The following PRKG2 variants were observed in gnomAD, a reference collection of about 807,000 sequenced individuals.
PRKG2 encodes the protein cGMP-dependent protein kinase 2.
Under a neutral mutation model 97.2 loss-of-function variants are expected in PRKG2, and 33 were observed. That is an observed-to-expected ratio of 0.34 (90% CI 0.26 to 0.45). The LOEUF is 0.45. PRKG2 is among the 20% of genes least tolerant of loss of function. The pLI is 1.00. For synonymous variants in PRKG2, 330 were observed against 321.8 expected, an observed-to-expected ratio of 1.03 and a Z score of -0.27; for missense variants, 638 against 900.0, an observed-to-expected ratio of 0.71 and a Z score of 3.73.
chr4:81,181,089 A>G (rs776163345), intron 2 of PRKG2, among the ~76,000 whole-genome samples: 1 of 150,714 alleles, frequency 6.6e-6, no homozygotes, highest in Non-Finnish European at 1.5e-5. Context: ...GCAGATACAC[A>G]TTCATTTCTA....
Position 81,089,400 on chromosome 4 carries a change from C to A in PRKG2, c.*308G>T, listed in dbSNP as rs1160186916. On this transcript the variant is annotated 3_prime_UTR_variant, in exon 19 of 19. Coordinates refer to ENST00000264399, the MANE Select transcript of PRKG2 (RefSeq NM_006259.3). ...CGAGAAGGATATGATTGGAATGGAA[C>A]AATAGATTGCAGAAAAAACTGCCAC... is the stretch of plus-strand genomic sequence containing the variant. 1.2e-5 allele frequency: 3 copies of A among 246,888 alleles called. No homozygotes were observed. The highest frequency in any genetic ancestry group is 2.3e-5 in the Non-Finnish European group (3 of 130,302). The allele number at this position is 246,888 out of a possible 1,614,324, so 15.3% of individuals were successfully genotyped here.
chr4:81,158,532 T>C (rs184893016), intron 6 of PRKG2, among the ~76,000 whole-genome samples: 12,615 of 151,802 alleles, frequency 0.083, 1,801 homozygotes, highest in African/African-American at 0.29. Flanking sequence ...CCAAGGTAAT[T>C]TGCAGATTCA....
In PRKG2 at chr4:81,142,911, G is replaced by C. The variant is rs771189225; in HGVS notation, c.1290C>G (p.Leu430=). ...SMSNWKLSKA[L]SLEMIQLKEK... ...CCTTCAGCTGAATCATTTCCAGAGA[G>C]AGTGCTTTGGACAGCTTCCAGTTAG... The change falls in exon 11 of 19, where the codon CTC becomes CTG. Residue 430 remains leucine, a synonymous_variant. Transcript: ENST00000264399. 6.2e-7 allele frequency: 1 copy of C among 1,613,198 alleles called. No individual in the cohort carries two copies. The highest frequency in any genetic ancestry group is 8.5e-7 in the Non-Finnish European group (1 of 1,179,390).
At chr4:81,209,365 T>C (rs1292684689) in intron 1 of PRKG2, among the ~76,000 whole-genome samples, 1 of 152,136 alleles carries the variant, frequency 6.6e-6, no homozygotes, top group Non-Finnish European at 1.5e-5. Context: ...GTTATAAATA[T>C]ACACAGACAA....
intron 2 of PRKG2, among the ~76,000 whole-genome samples, chr4:81,192,594 C>G (rs189717342): frequency 9.9e-5 from 15 of 152,234 alleles, no homozygotes; most frequent in Admixed American, 7.9e-4. Context: ...GATCTCTCAT[C>G]TATGAATAGG....
intron 15 of PRKG2, among the ~76,000 whole-genome samples, chr4:81,106,902 C>CA (rs1743400864): frequency 6.6e-6 from 1 of 152,154 alleles, no homozygotes; most frequent in African/African-American, 2.4e-5. Context: ...GGATGCTCAC[C>CA]ATAACACAAC....
intron 16 of PRKG2, among the ~76,000 whole-genome samples, chr4:81,104,797 T>C (rs546450086): frequency 1.3e-5 from 2 of 152,258 alleles, no homozygotes; most frequent in East Asian, 1.9e-4. Context: ...CTTAGAAGCA[T>C]ACTGGCAACC....
intron 2 of PRKG2, among the ~76,000 whole-genome samples, chr4:81,182,267 C>G (rs1399531290): frequency 6.6e-6 from 1 of 151,608 alleles, no homozygotes; most frequent in African/African-American, 2.4e-5. Flanking sequence ...TAATTATCAA[C>G]ATGAAAAGAA....
At chr4:81,205,207 A>G (rs1578525271) in intron 1 of PRKG2, 147 bp from the exon 2 acceptor site, 1 of 117,878 alleles carries the variant, frequency 8.5e-6, no homozygotes, top group Non-Finnish European at 1.5e-5. Flanking sequence ...AAGTTTCCAG[A>G]AAAAAAAAAA....
Position 81,088,451 on chromosome 4 carries a change from G to A in PRKG2, c.*1257C>T, listed in dbSNP as rs926921614. On this transcript the variant is annotated 3_prime_UTR_variant, in exon 19 of 19. Transcript: ENST00000264399. ...GCTTCTCATTCATTTTGGAAGGAGGGTAAGGGAATGATCATGGTCAATACA... is the reference window on the plus strand; with the variant it reads ...GCTTCTCATTCATTTTGGAAGGAGGATAAGGGAATGATCATGGTCAATACA... The A allele has an allele frequency of 5.9e-5, 9 of 152,252 alleles. No homozygotes were observed. In the South Asian group the frequency reaches 1.7e-3, roughly 28 times the overall value. The allele number at this position is 152,252 out of a possible 1,614,324, so 9.4% of individuals were successfully genotyped here. A position where few individuals can be genotyped will look rare whatever the true frequency, so the allele number is the denominator to read the frequency against.
chr4:81,156,968 G>C (rs1424561628), intron 6 of PRKG2, among the ~76,000 whole-genome samples: 1 of 152,054 alleles, frequency 6.6e-6, no homozygotes, highest in African/African-American at 2.4e-5. Context: ...ATGCCCACAA[G>C]AGAAAGCAGG....
chr4:81,159,852 T>C (rs570726464), intron 6 of PRKG2, among the ~76,000 whole-genome samples: 166 of 151,006 alleles, frequency 1.1e-3, no homozygotes, highest in Middle Eastern at 3.4e-3. Context: ...AGTAAACTAT[T>C]GCAAGAACAA....
At chr4:81,194,910 A>G (rs760766491) in intron 2 of PRKG2, among the ~76,000 whole-genome samples, 6 of 137,804 alleles carry the variant, frequency 4.4e-5, no homozygotes, top group Non-Finnish European at 9.0e-5. Context: ...TCAGCAGGGG[A>G]GCTTTTAATA....
At chr4:81,172,291 T>C (rs892353807) in intron 3 of PRKG2, among the ~76,000 whole-genome samples, 1 of 152,130 alleles carries the variant, frequency 6.6e-6, no homozygotes, top group East Asian at 1.9e-4. Context: ...ACAATCACTG[T>C]ATGTCATAAA....
intron 14 of PRKG2, among the ~76,000 whole-genome samples, chr4:81,112,403 T>C (rs1744077200): frequency 6.6e-6 from 1 of 152,066 alleles, no homozygotes; most frequent in South Asian, 2.1e-4. Context: ...AAGAAAGTAA[T>C]GTTTATAACT....
At chr4:81,206,144 T>C (rs1753633780) in intron 1 of PRKG2, among the ~76,000 whole-genome samples, 1 of 152,230 alleles carries the variant, frequency 6.6e-6, no homozygotes, top group Non-Finnish European at 1.5e-5. Context: ...AAAGTAGAAC[T>C]TGAATGTGTG....
chr4:81,149,341 A>T (rs1458964063), intron 8 of PRKG2, among the ~76,000 whole-genome samples: 1 of 152,202 alleles, frequency 6.6e-6, no homozygotes, highest in Non-Finnish European at 1.5e-5. Flanking sequence ...TTGGAAAAAC[A>T]GTCAAGTAAT....
chr4:81,117,109 C>T (rs1432105084), intron 14 of PRKG2, among the ~76,000 whole-genome samples: 2 of 150,286 alleles, frequency 1.3e-5, no homozygotes, highest in East Asian at 4.0e-4. Context: ...CCTCCCATCT[C>T]AGCCTCCCAA....
chr4:81,183,053 G>A (rs1021929659), intron 2 of PRKG2, among the ~76,000 whole-genome samples: 1 of 151,090 alleles, frequency 6.6e-6, no homozygotes, highest in South Asian at 2.1e-4. Context: ...GTCATAAAAA[G>A]GCCCAAGACT....
Sources: gnomAD v4.1 joint callset for allele counts (sites outside exome capture counted in the v4.1 genomes callset) on GRCh38, gnomAD v4.1.1 for gene constraint, MANE v1.5 for transcripts, NCBI Gene and HGNC (gene_info 2026-07-23, HGNC 2026-07-21) for gene names.